PPP2R2B: variants seen among roughly 807,000 people sequenced by gnomAD.
PPP2R2B encodes the protein serine/threonine-protein phosphatase 2A 55 kDa regulatory subunit B beta isoform.
In PPP2R2B, 5 loss-of-function variants were observed where a neutral mutation model predicts 46.0. The ratio of observed to expected loss-of-function variants is 0.11; its 90% CI spans 0.06 to 0.23. The LOEUF (loss-of-function observed/expected upper bound fraction) is 0.23, where lower values mean the gene tolerates loss of function less well. Among genes scored for constraint, PPP2R2B ranks in the 10% least tolerant of loss-of-function variants. The probability of loss-of-function intolerance (pLI) is 1.00; values close to 1 mark genes in which losing one functional copy is unlikely to be tolerated. For missense variants in PPP2R2B, 367 were observed against 575.0 expected, an observed-to-expected ratio of 0.64 and a Z score of 3.70; for synonymous variants, 215 against 206.7, an observed-to-expected ratio of 1.04 and a Z score of -0.34.
intron 5 of PPP2R2B, among the ~76,000 whole-genome samples, chr5:146,678,035 A>C (rs745985264): frequency 1.3e-5 from 2 of 152,194 alleles, no homozygotes; most frequent in African/African-American, 4.8e-5. Context: ...TGCTTCAAGA[A>C]GTCTCTAAAG....
chr5:146,807,776 C>CTTTTTTTTTTTTTTTTTTTTTT (rs10583721), intron 2 of PPP2R2B, among the ~76,000 whole-genome samples: 6 of 36,902 alleles, frequency 1.6e-4, no homozygotes, highest in East Asian at 9.4e-4. Context: ...GGGGTGCCTT[C>CTTTTTTTTTTTTTTTTTTTTTT]TTTTTTTTTT....
At chr5:146,654,763 C>T (rs1364288678) in intron 5 of PPP2R2B, among the ~76,000 whole-genome samples, 1 of 152,178 alleles carries the variant, frequency 6.6e-6, no homozygotes, top group African/African-American at 2.4e-5. Context: ...AGCACCTTGT[C>T]CATGGTCACC....
At chr5:146,630,583 T>C (rs1774359052) in intron 7 of PPP2R2B, among the ~76,000 whole-genome samples, 1 of 152,220 alleles carries the variant, frequency 6.6e-6, no homozygotes. Flanking sequence ...ATGTGAATAA[T>C]GGCAGTATGT....
At chr5:146,998,237 G>A (rs189066804) in intron 1 of PPP2R2B, among the ~76,000 whole-genome samples, 3 of 152,366 alleles carry the variant, frequency 2.0e-5, no homozygotes, top group Admixed American at 2.0e-4. Context: ...GTGAAGAGAA[G>A]TGAGGTAAAC....
chr5:147,004,128 G>A (rs1371999956), intron 1 of PPP2R2B, among the ~76,000 whole-genome samples: 3 of 152,150 alleles, frequency 2.0e-5, no homozygotes, highest in African/African-American at 7.2e-5. Context: ...GTGGTTCAGA[G>A]AGGACAGAAA....
At chr5:146,764,829 TACACGCACACAC>T (rs1754377796) in intron 2 of PPP2R2B, among the ~76,000 whole-genome samples, 1 of 138,532 alleles carries the variant, frequency 7.2e-6, no homozygotes, top group African/African-American at 3.1e-5. Context: ...GAGAGAGAGA[TACACGCACACAC>T]ACACGCACAC....
chr5:146,683,964 G>T (rs927885957), intron 5 of PPP2R2B, among the ~76,000 whole-genome samples: 7 of 152,264 alleles, frequency 4.6e-5, no homozygotes, highest in South Asian at 2.1e-4. Flanking sequence ...ATATCCACCC[G>T]CCGAGGCAGG....
At position 146,589,473 on chromosome 5, in the gene PPP2R2B, C is replaced by T. The variant is rs1411577853; in HGVS notation, c.*474G>A. Reference sequence around the variant, plus strand: ...ATGGTGGAGGGGCAGGAGATACTGACTAGTTCTGGTTTTTCACAAAACAAG... The same window carrying T: ...ATGGTGGAGGGGCAGGAGATACTGATTAGTTCTGGTTTTTCACAAAACAAG... On this transcript the variant is annotated 3_prime_UTR_variant, in exon 10 of 10. Coordinates refer to ENST00000394411, the MANE Select transcript of PPP2R2B (RefSeq NM_181675.4). The T allele has an allele frequency of 6.4e-6, 1 of 155,326 alleles. No individual in the cohort carries two copies. Among genetic ancestry groups the T allele is most frequent in the Non-Finnish European group, 1.4e-5 (1 of 69,892 alleles). 9.6% of individuals were successfully genotyped at this position (155,326 alleles called of 1,614,324 possible).
chr5:146,632,178 C>T (rs1774479814), intron 7 of PPP2R2B, among the ~76,000 whole-genome samples: 1 of 150,004 alleles, frequency 6.7e-6, no homozygotes, highest in Non-Finnish European at 1.5e-5. Flanking sequence ...CAGGGTGGGT[C>T]TTGATCTAAT....
At chr5:146,757,280 C>T (rs1753891964) in intron 2 of PPP2R2B, among the ~76,000 whole-genome samples, 1 of 152,114 alleles carries the variant, frequency 6.6e-6, no homozygotes, top group Non-Finnish European at 1.5e-5. Flanking sequence ...AGAGCGGGAA[C>T]ATGGTTTTAT....
chr5:146,740,315 A>T (rs1752789014), intron 2 of PPP2R2B, among the ~76,000 whole-genome samples: 1 of 152,172 alleles, frequency 6.6e-6, no homozygotes, highest in Non-Finnish European at 1.5e-5. Flanking sequence ...GATGATGGGC[A>T]ATTTCCCTTA....
Position 146,588,579 on chromosome 5 carries a change from C to CTAAGT in PPP2R2B, c.*1363_*1367dup, listed in dbSNP as rs1554109381. ...TTCTGGACTCCACCCATCTACTTTCCTAAGTTTATAAATCCTTTGCATGCA... is the reference window on the plus strand; with the variant it reads ...TTCTGGACTCCACCCATCTACTTTCCTAAGTTAAGTTTATAAATCCTTTGCATGCA... On this transcript the variant is annotated 3_prime_UTR_variant, in exon 10 of 10. Coordinates refer to ENST00000394411, the MANE Select transcript of PPP2R2B (RefSeq NM_181675.4). The CTAAGT allele has an allele frequency of 6.6e-6, 1 of 152,160 alleles. No individual in the cohort carries two copies. The highest frequency in any genetic ancestry group is 1.5e-5 in the Non-Finnish European group (1 of 68,028). 9.4% of individuals were successfully genotyped at this position (152,160 alleles called of 1,614,324 possible). A position where few individuals can be genotyped will look rare whatever the true frequency, so the allele number is the denominator to read the frequency against.
At chr5:146,867,922 G>T (rs982764484) in intron 2 of PPP2R2B, among the ~76,000 whole-genome samples, 1 of 152,130 alleles carries the variant, frequency 6.6e-6, no homozygotes. Context: ...GGGCCTTCCT[G>T]GTTTCTGAAA....
intron 2 of PPP2R2B, among the ~76,000 whole-genome samples, chr5:146,832,813 G>C (rs1759042399): frequency 6.6e-6 from 1 of 151,964 alleles, no homozygotes; most frequent in African/African-American, 2.4e-5. Context: ...CAGGTTTATA[G>C]TCCAGGAGCA....
intron 1 of PPP2R2B, among the ~76,000 whole-genome samples, chr5:147,030,407 AT>A (rs974145536): frequency 2.0e-5 from 3 of 152,162 alleles, no homozygotes; most frequent in Non-Finnish European, 4.4e-5. Context: ...TTCTATGAAA[AT>A]ATCCCATTAA....
chr5:147,018,903 T>TA, intron 1 of PPP2R2B, among the ~76,000 whole-genome samples: 1 of 152,272 alleles, frequency 6.6e-6, no homozygotes, highest in East Asian at 1.9e-4. Flanking sequence ...GTTATTATTT[T>TA]AAAAAACTCC....
rs116519070 is a variant in PPP2R2B at position 146,593,183 on chromosome 5, T to G, written c.961-121A>C. On this transcript the variant is annotated intron_variant, in intron 8 of 9. Transcript: ENST00000394411. ...CATTGTACATGCTCTTTGAATCAGA[T>G]GGCCTTGGATCTGAACCTAGGCTTG... The G allele has an allele frequency of 9.1e-3, 8,127 of 892,606 alleles. 195 individuals are homozygous for G. The highest frequency in any genetic ancestry group is 0.072 in the African/African-American group (4,384 of 61,298). 55.3% of individuals were successfully genotyped at this position (892,606 alleles called of 1,614,324 possible).
chr5:146,764,244 G>C, intron 2 of PPP2R2B, among the ~76,000 whole-genome samples: 1 of 152,088 alleles, frequency 6.6e-6, no homozygotes, highest in South Asian at 2.1e-4. Context: ...GCAGGCACCA[G>C]ATGACAAAAG....
intron 1 of PPP2R2B, among the ~76,000 whole-genome samples, chr5:147,047,978 G>A (rs1756618896): frequency 6.6e-6 from 1 of 152,078 alleles, no homozygotes; most frequent in Non-Finnish European, 1.5e-5. Flanking sequence ...TCTTACCTCT[G>A]ACTGTACATA....
Sources: gnomAD v4.1 joint callset for allele counts (sites outside exome capture counted in the v4.1 genomes callset) on GRCh38, gnomAD v4.1.1 for gene constraint, MANE v1.5 for transcripts, NCBI Gene and HGNC (gene_info 2026-07-23, HGNC 2026-07-21) for gene names.